OTUD7A: variants seen among roughly 807,000 people sequenced by gnomAD.
OTUD7A encodes OTU deubiquitinase 7A, also known as OTU domain-containing protein 7A.
In OTUD7A, 12 loss-of-function variants were observed where a neutral mutation model predicts 65.7. The ratio of observed to expected loss-of-function variants is 0.18; its 90% CI spans 0.12 to 0.30. OTUD7A has a LOEUF of 0.30. Among genes scored for constraint, OTUD7A ranks in the 10% least tolerant of loss-of-function variants. The pLI is 1.00. For synonymous variants in OTUD7A, 641 were observed against 586.3 expected, an observed-to-expected ratio of 1.09 and a Z score of -1.35; for missense variants, 1,148 against 1,304.8, an observed-to-expected ratio of 0.88 and a Z score of 1.85.
intron 10 of OTUD7A, among the ~76,000 whole-genome samples, chr15:31,490,445 A>C (rs760598813): frequency 1.3e-5 from 2 of 152,214 alleles, no homozygotes; most frequent in Non-Finnish European, 2.9e-5. Flanking sequence ...CTGGAAGAGC[A>C]TTGTTCCACC....
intron 3 of OTUD7A, among the ~76,000 whole-genome samples, chr15:31,631,363 G>A (rs1891147246): frequency 6.6e-6 from 1 of 152,172 alleles, no homozygotes; most frequent in African/African-American, 2.4e-5. Context: ...AGTTTGGCTG[G>A]ATATGAAATT....
chr15:31,659,037 G>GAATAAATA (rs1555405822), intron 1 of OTUD7A, among the ~76,000 whole-genome samples: 122 of 118,604 alleles, frequency 1.0e-3, no homozygotes, highest in Non-Finnish European at 1.4e-3. Context: ...ATGAATGAAT[G>GAATAAATA]AATGAATAAA....
intron 3 of OTUD7A, among the ~76,000 whole-genome samples, chr15:31,628,907 G>A (rs1304920426): frequency 6.6e-6 from 1 of 152,190 alleles, no homozygotes; most frequent in East Asian, 1.9e-4. Flanking sequence ...TGTTATTGGT[G>A]CATAAGAATG....
At position 31,617,295 on chromosome 15, in the gene OTUD7A, T is replaced by C. The variant is rs575994038; in HGVS notation, c.151+37801A>G. ...CGAGGTCAAGAGATTGAGACCATCCTGACCAACATGGTGAAACCCCGTCTC... is the reference window on the plus strand; with the variant it reads ...CGAGGTCAAGAGATTGAGACCATCCCGACCAACATGGTGAAACCCCGTCTC... On this transcript the variant is annotated intron_variant, in intron 3 of 12. Coordinates refer to ENST00000307050, the MANE Select transcript of OTUD7A (RefSeq NM_001382637.1). Among the ~76,000 whole-genome samples, 9 of 152,272 alleles carry C rather than the reference T, an allele frequency of 5.9e-5. No individual in the cohort carries two copies. The East Asian group carries it at 1.5e-3, about 26-fold the overall frequency.
intron 10 of OTUD7A, among the ~76,000 whole-genome samples, chr15:31,489,981 C>T (rs1371710243): frequency 1.3e-5 from 2 of 152,226 alleles, no homozygotes; most frequent in African/African-American, 2.4e-5. Context: ...GACATGCCTG[C>T]TCACAACTGA....
chr15:31,708,300 G>T (rs1335311885), intron 1 of OTUD7A, among the ~76,000 whole-genome samples: 7 of 152,150 alleles, frequency 4.6e-5, no homozygotes, highest in Admixed American at 6.6e-5. Context: ...GAAAAAAGAT[G>T]AATCAGCAGA....
chr15:31,669,893 C>A (rs1297738858), intron 1 of OTUD7A, among the ~76,000 whole-genome samples: 1 of 150,546 alleles, frequency 6.6e-6, no homozygotes, highest in Non-Finnish European at 1.5e-5. Context: ...AGGTCGGAAA[C>A]TTCTCCTGCA....
At chr15:31,678,734 C>T (rs1173614416) in intron 1 of OTUD7A, among the ~76,000 whole-genome samples, 4 of 152,236 alleles carry the variant, frequency 2.6e-5, no homozygotes, top group African/African-American at 9.6e-5. Context: ...CAAAAGTTTG[C>T]TGCAGGGGCA....
chr15:31,733,891 G>A (rs1894115619), intron 1 of OTUD7A, among the ~76,000 whole-genome samples: 1 of 152,194 alleles, frequency 6.6e-6, no homozygotes, highest in Non-Finnish European at 1.5e-5. Context: ...ATGCCTGAAA[G>A]CTACAGGTAC....
rs1423756792 is a variant in OTUD7A at position 31,477,102 on chromosome 15, C to T, written c.*6192G>A. 2 of 152,382 alleles carry T rather than the reference C, an allele frequency of 1.3e-5. No individual in the cohort carries two copies. The highest frequency in any genetic ancestry group is 2.9e-5 in the Non-Finnish European group (2 of 68,154). The allele number at this position is 152,382 out of a possible 1,614,324, so 9.4% of individuals were successfully genotyped here. A position where few individuals can be genotyped will look rare whatever the true frequency, so the allele number is the denominator to read the frequency against. ...TACCCGGGGGCCTTGGCTCTCTGGC[C>T]CTGCTGCTTCCAAATTTGTCAATGC... On this transcript the variant is annotated 3_prime_UTR_variant, in exon 13 of 13. Coordinates refer to ENST00000307050, the MANE Select transcript of OTUD7A (RefSeq NM_001382637.1).
chr15:31,656,375 A>G (rs1047959526), intron 2 of OTUD7A, among the ~76,000 whole-genome samples: 2 of 152,142 alleles, frequency 1.3e-5, no homozygotes, highest in African/African-American at 4.8e-5. Context: ...TCTGCCACCC[A>G]TTTTTGTAAA....
rs574121007 is a variant in OTUD7A, at chr15:31,655,917, C to T, written c.-4-667G>A. ...TACTTCCACAATGTGATGAATGTTA[C>T]CCACTCTATTCCAATTATGCCTTTA... On this transcript the variant is annotated intron_variant, in intron 2 of 12. Coordinates refer to ENST00000307050, the MANE Select transcript of OTUD7A (RefSeq NM_001382637.1). Among the ~76,000 whole-genome samples, 428 of 152,270 alleles carry T rather than the reference C, an allele frequency of 2.8e-3. 5 individuals are homozygous for T. The highest frequency in any genetic ancestry group is 1.0e-2 in the African/African-American group (414 of 41,540).
chr15:31,668,956 C>G (rs1322930269), intron 1 of OTUD7A, among the ~76,000 whole-genome samples: 1 of 152,198 alleles, frequency 6.6e-6, no homozygotes, highest in Non-Finnish European at 1.5e-5. Flanking sequence ...CTACCTGGCT[C>G]CAGACTGGTA....
Position 31,715,347 on chromosome 15 carries a change from C to T in OTUD7A, c.-99-58270G>A, listed in dbSNP as rs1220122745. 2.8e-5 allele frequency among the ~76,000 whole-genome samples: 4 copies of T among 143,412 alleles called. No homozygotes were observed. In the Admixed American group the frequency reaches 2.8e-4, roughly 10 times the overall value. The allele number at this position is 143,412 out of a possible 152,430, so 94.1% of individuals were successfully genotyped here. ...CTGAGCCTTCTGTGTGCCCCACACA[C>T]AGCCTGCTGCTTCCTTGGCCTCTGT... On this transcript the variant is annotated intron_variant, in intron 1 of 12. Coordinates refer to ENST00000307050, the MANE Select transcript of OTUD7A (RefSeq NM_001382637.1).
chr15:31,640,297 T>C (rs28435294), intron 3 of OTUD7A, among the ~76,000 whole-genome samples: 36,258 of 151,966 alleles, frequency 0.24, 5,446 homozygotes, highest in East Asian at 0.66. Context: ...ACAAATAGGG[T>C]TCAGTGTATA....
At chr15:31,841,935 ATG>A (rs1897192189) in intron 1 of OTUD7A, among the ~76,000 whole-genome samples, 1 of 152,168 alleles carries the variant, frequency 6.6e-6, no homozygotes, top group Non-Finnish European at 1.5e-5. Flanking sequence ...ATGCTTTAGA[ATG>A]TCTCTCTTCC....
intron 1 of OTUD7A, among the ~76,000 whole-genome samples, chr15:31,717,653 G>C (rs1467118854): frequency 1.3e-5 from 2 of 152,104 alleles, no homozygotes; most frequent in Admixed American, 6.6e-5. Flanking sequence ...ATAGGCATTT[G>C]GGTTGGTCCC....
At chr15:31,525,965 C>T (rs1043097521) in intron 8 of OTUD7A, among the ~76,000 whole-genome samples, 1 of 152,210 alleles carries the variant, frequency 6.6e-6, no homozygotes, top group Non-Finnish European at 1.5e-5. Flanking sequence ...GAGCCAGGTT[C>T]GTGCGATGGC....
chr15:31,487,580 G>T lies in OTUD7A; in HGVS notation c.1172-14C>A. 1 of 1,607,670 alleles carries T rather than the reference G, an allele frequency of 6.2e-7. No individual in the cohort carries two copies. On this transcript the variant is annotated splice_polypyrimidine_tract_variant and intron_variant, in intron 10 of 12. Transcript: ENST00000307050. This position sits in a 1 kb window ranked among gnomAD's most constrained non-coding sequence, Gnocchi z 6.0. ...GGGGGATCACGGCTGGAACAGAAGA[G>T]ACAGAGCCGTGCTTGGAGCCCCGGC...
Sources: allele counts gnomAD v4.1 joint callset (sites outside exome capture counted in the v4.1 genomes callset), GRCh38; gene constraint gnomAD v4.1.1; non-coding constraint Gnocchi (gnomAD v3.1); transcripts MANE v1.5; gene names NCBI Gene and HGNC (gene_info 2026-07-23, HGNC 2026-07-21).